EXOC6: variants seen among roughly 807,000 people sequenced by gnomAD.
EXOC6 encodes exocyst complex component 6.
In EXOC6, 60 loss-of-function variants were observed where a neutral mutation model predicts 112.5. The observed-to-expected ratio is 0.53, with a 90% CI of 0.43 to 0.66. EXOC6 has a LOEUF of 0.66. EXOC6 is among the 30% of genes least tolerant of loss of function. The pLI is 0.00. For synonymous variants in EXOC6, 295 were observed against 308.0 expected (o/e 0.96, Z 0.44); for missense variants, 855 against 957.1 (o/e 0.89, Z 1.41).
chr10:92,841,449 T>C (rs1313122098), intron 1 of EXOC6, among the ~76,000 whole-genome samples: 3 of 152,234 alleles, frequency 2.0e-5, no homozygotes, highest in Non-Finnish European at 4.4e-5. Flanking sequence ...TATCATGACC[T>C]GATTTAATCT....
exon 1 of EXOC6, chr10:92,834,769 G>A (rs1218904030): frequency 6.2e-7 from 1 of 1,610,780 alleles, no homozygotes; most frequent in Admixed American, 1.7e-5. Flanking sequence ...TCAAACCTAT[G>A]AGAATGTCCT....
At chr10:93,051,147 C>CTTTTT (rs5787032) in intron 20 of EXOC6, among the ~76,000 whole-genome samples, 1 of 146,928 alleles carries the variant, frequency 6.8e-6, no homozygotes, top group Non-Finnish European at 1.5e-5. Context: ...CTGTATTCCT[C>CTTTTT]TTTTTTTTTT....
intron 17 of EXOC6, 68 bp downstream of exon 17, chr10:92,955,782 C>G: frequency 7.1e-7 from 1 of 1,409,468 alleles, no homozygotes; most frequent in South Asian, 1.4e-5. Context: ...AATTAAAGAC[C>G]GTTCTTATAT....
chr10:92,927,026 G>A (rs187622654), intron 8 of EXOC6, among the ~76,000 whole-genome samples: 337 of 152,160 alleles, frequency 2.2e-3, no homozygotes, highest in African/African-American at 7.3e-3. Context: ...AATTGTTTGC[G>A]TATAAAATAA....
At chr10:92,958,964 C>T (rs576662213) in intron 17 of EXOC6, among the ~76,000 whole-genome samples, 2 of 151,982 alleles carry the variant, frequency 1.3e-5, no homozygotes, top group East Asian at 1.9e-4. Flanking sequence ...TGTGGTGGTG[C>T]GCACATGTAA....
At chr10:92,852,193 A>C (rs997005480) in intron 1 of EXOC6, among the ~76,000 whole-genome samples, 4 of 152,360 alleles carry the variant, frequency 2.6e-5, no homozygotes, top group African/African-American at 9.6e-5. Flanking sequence ...ATAGCTGAAT[A>C]GCCCTGTATC....
At chr10:92,896,147 G>GTGTGTGTGTATATATA (rs1432410468) in intron 4 of EXOC6, among the ~76,000 whole-genome samples, 1 of 24,484 alleles carries the variant, frequency 4.1e-5, no homozygotes, top group African/African-American at 2.3e-4. Flanking sequence ...GTATGTATGT[G>GTGTGTGTGTATATATA]TATATATATA....
In EXOC6 at chr10:92,920,032, G is replaced by A. The variant is rs778565649; in HGVS notation, c.870G>A (p.Leu290=). ...ATTTTTCCCCTGTTTATCGATGTTT[G>A]CACATTTATTCTGTTTTGGTAAGTA... ...LVDFSPVYRC[L]HIYSVLGDEE... Residue 290 remains leucine (L), a synonymous_variant, in exon 8 of 22, where the codon TTG becomes TTA. Transcript: ENST00000260762. 1.2e-5 allele frequency: 19 copies of A among 1,603,282 alleles called. No individual in the cohort carries two copies. Among genetic ancestry groups the A allele is most frequent in the Non-Finnish European group, 1.3e-5 (15 of 1,173,458 alleles).
intron 17 of EXOC6, among the ~76,000 whole-genome samples, chr10:92,966,157 C>T (rs1401470353): frequency 1.3e-5 from 2 of 152,022 alleles, no homozygotes; most frequent in South Asian, 2.1e-4. Context: ...GTTCTAGTGA[C>T]AATAACAAAA....
intron 20 of EXOC6, among the ~76,000 whole-genome samples, chr10:93,035,580 C>T (rs1321804158): frequency 1.3e-5 from 2 of 152,162 alleles, no homozygotes; most frequent in East Asian, 1.9e-4. Context: ...TGGGGCCTGT[C>T]GTGGTGGCTC....
At chr10:92,888,344 G>A (rs1365961853) in intron 1 of EXOC6, among the ~76,000 whole-genome samples, 2 of 152,168 alleles carry the variant, frequency 1.3e-5, no homozygotes, top group African/African-American at 2.4e-5. Flanking sequence ...TAAAGCAGGA[G>A]GAGTTTTGTT....
intron 3 of EXOC6, 37 bp downstream of exon 3, chr10:92,894,878 A>C: frequency 6.2e-7 from 1 of 1,610,194 alleles, no homozygotes; most frequent in Non-Finnish European, 8.5e-7. Context: ...TTCAGTATGT[A>C]GTTGTTCTTT....
chr10:92,959,079 T>TG (rs1167581052), intron 17 of EXOC6, among the ~76,000 whole-genome samples: 3 of 151,614 alleles, frequency 2.0e-5, no homozygotes, highest in Admixed American at 2.0e-4. Context: ...GGCGGTAGAG[T>TG]GAAACTCCGT....
chr10:92,979,252 G>C (rs189492904), intron 18 of EXOC6, among the ~76,000 whole-genome samples: 1 of 152,046 alleles, frequency 6.6e-6, no homozygotes, highest in Admixed American at 6.5e-5. Flanking sequence ...CCTCTGCCTC[G>C]AGGTTCAAGC....
At chr10:92,928,825 T>C (rs1851864701) in intron 9 of EXOC6, among the ~76,000 whole-genome samples, 1 of 152,224 alleles carries the variant, frequency 6.6e-6, no homozygotes, top group Non-Finnish European at 1.5e-5. Context: ...AATAAGGAAC[T>C]GTTCTATATA....
chr10:92,944,464 G>A (rs1852851891), intron 13 of EXOC6, among the ~76,000 whole-genome samples: 1 of 152,030 alleles, frequency 6.6e-6, no homozygotes, highest in Non-Finnish European at 1.5e-5. Context: ...TTCAAACTCT[G>A]ACCTCAAGTG....
At chr10:92,915,559 A>T (rs1191945148) in intron 6 of EXOC6, among the ~76,000 whole-genome samples, 199 bp from the exon 7 acceptor site, 1 of 129,034 alleles carries the variant, frequency 7.7e-6, no homozygotes, top group Non-Finnish European at 1.6e-5. Context: ...ACAGAGTGAG[A>T]CCCTGATTTT....
intron 14 of EXOC6, among the ~76,000 whole-genome samples, chr10:92,950,598 G>A (rs1019902802): frequency 2.6e-5 from 4 of 152,094 alleles, no homozygotes; most frequent in African/African-American, 9.6e-5. Context: ...TAAGATAGGG[G>A]ATGCACCATG....
intron 20 of EXOC6, among the ~76,000 whole-genome samples, chr10:93,027,057 C>T (rs1845061107): frequency 1.3e-5 from 2 of 152,296 alleles, no homozygotes; most frequent in Non-Finnish European, 1.5e-5. Flanking sequence ...AAGTGCTACT[C>T]CAGTGAACAC....
Sources: allele counts gnomAD v4.1 joint callset (sites outside exome capture counted in the v4.1 genomes callset), GRCh38; gene constraint gnomAD v4.1.1; transcripts MANE v1.5; gene names NCBI Gene and HGNC (gene_info 2026-07-23, HGNC 2026-07-21).